Variants in OGFOD2 observed in about 807,000 individuals in gnomAD.
OGFOD2 encodes 2-oxoglutarate and iron dependent oxygenase domain containing 2, also known as 2-oxoglutarate and iron-dependent oxygenase domain-containing protein 2.
In OGFOD2, 34 loss-of-function variants were observed where a neutral mutation model predicts 31.1. That is an observed-to-expected ratio of 1.09 (90% CI 0.83 to 1.45). The LOEUF (loss-of-function observed/expected upper bound fraction) is 1.45. Among genes scored for constraint, OGFOD2 ranks in the 40% most tolerant of loss-of-function variants. The probability of loss-of-function intolerance (pLI) is 0.00; values close to 1 mark genes in which losing one functional copy is unlikely to be tolerated. For missense variants in OGFOD2, 537 were observed against 433.9 expected (o/e 1.24, Z -2.11); for synonymous variants, 240 against 192.3 (o/e 1.25, Z -2.05).
exon 5 of OGFOD2, chr12:122,978,497 G>A (rs774276362): frequency 3.7e-6 from 6 of 1,613,464 alleles, no homozygotes; most frequent in East Asian, 4.5e-5. Flanking sequence ...GCCAGGCCCT[G>A]CTGGAAGAGC....
chr12:122,976,248 C>A (rs767551117), intron 2 of OGFOD2: 2 of 788,968 alleles, frequency 2.5e-6, no homozygotes, highest in East Asian at 2.7e-5. Context: ...CCATATACCC[C>A]GCAGGCTGCT....
At chr12:122,978,415 G>C in intron 4 of OGFOD2, 27 bp from the exon 5 acceptor site, 1 of 1,611,286 alleles carries the variant, frequency 6.2e-7, no homozygotes, top group Non-Finnish European at 8.5e-7. Flanking sequence ...CCACATTCAG[G>C]CCAACAGACC....
At chr12:122,976,292 T>C in intron 2 of OGFOD2, 2 of 1,335,278 alleles carry the variant, frequency 1.5e-6, no homozygotes, top group East Asian at 2.3e-5. Flanking sequence ...TCCTCCTCCT[T>C]CCCCTGGAGT....
At chr12:122,979,847 T>G in exon 7 of OGFOD2, 1 of 221,230 alleles carries the variant, frequency 4.5e-6, no homozygotes. Context: ...CAGTAGCATC[T>G]TCTAGATGGC....
intron 4 of OGFOD2, chr12:122,978,217 G>A: frequency 1.9e-6 from 1 of 513,960 alleles, no homozygotes; most frequent in South Asian, 2.3e-5. Context: ...CCCAGGGCCA[G>A]CCCTGTGGAC....
chr12:122,979,048 T>G, intron 6 of OGFOD2, 35 bp from the exon 7 acceptor site: 1 of 1,604,638 alleles, frequency 6.2e-7, no homozygotes, highest in Non-Finnish European at 8.5e-7. Flanking sequence ...CTGGGGCAGC[T>G]GTGAGTGCCC....
Sources: gnomAD v4.1 joint callset for allele counts on GRCh38, gnomAD v4.1.1 for gene constraint, MANE v1.5 for transcripts, NCBI Gene and HGNC (gene_info 2026-07-23, HGNC 2026-07-21) for gene names.